The following PARD3B variants were observed in gnomAD, a reference collection of about 807,000 sequenced individuals.
PARD3B encodes the protein partitioning defective 3 homolog B.
A neutral mutation model predicts 130.2 loss-of-function variants in PARD3B; 103 were observed. The observed-to-expected ratio is 0.79, with a 90% confidence interval of 0.67 to 0.93. The LOEUF (loss-of-function observed/expected upper bound fraction) is 0.93, where lower values mean the gene tolerates loss of function less well. Ranked by LOEUF, PARD3B falls within the 40% of genes least tolerant of loss-of-function variation. The pLI is 0.00. For synonymous variants in PARD3B, 583 were observed against 553.2 expected (o/e 1.05, Z -0.76); for missense variants, 1,609 against 1,499.2 (o/e 1.07, Z -1.21).
rs2035920622 is a variant in PARD3B, at chr2:205,183,661, TG to T, written c.1925-2099del. Among the ~76,000 whole-genome samples, 1 of 151,864 alleles carries T rather than the reference TG, an allele frequency of 6.6e-6. No individual in the cohort carries two copies. Among genetic ancestry groups the T allele is most frequent in the African/African-American group, 2.4e-5 (1 of 41,332 alleles). On this transcript the variant is annotated intron_variant, in intron 13 of 22. Transcript: ENST00000406610. The surrounding 1 kb of genome is among the most constrained non-coding windows in gnomAD (Gnocchi z 5.2). ...ACTACCTCCACATCAGTCTAGTGCC[TG>T]GGGCAGAGCTTGGAGCAAGTCCTTG...
At chr2:205,271,162 A>G (rs1260581537) in intron 16 of PARD3B, among the ~76,000 whole-genome samples, 2 of 152,116 alleles carry the variant, frequency 1.3e-5, no homozygotes, top group African/African-American at 4.8e-5. Context: ...TATATCCAAA[A>G]ACAAGCAGAG....
chr2:205,550,955 G>GTGTGTATATATATATATATATATATATA lies in PARD3B; in HGVS notation c.3181-2368_3181-2367insGTGTATATATATATATATATATATATAT, dbSNP rs796567936. 7.4e-5 allele frequency among the ~76,000 whole-genome samples: 7 copies of GTGTGTATATATATATATATATATATATA among 94,452 alleles called. No individual in the cohort carries two copies. Among genetic ancestry groups the GTGTGTATATATATATATATATATATATA allele is most frequent in the African/African-American group, 1.9e-4 (5 of 26,402 alleles). 62.0% of individuals were successfully genotyped at this position (94,452 alleles called of 152,430 possible). ...TGTGTGTGTGTGTATATATATATGT[G>GTGTGTATATATATATATATATATATATA]TATATATATATATATATATATACAC... is the stretch of plus-strand genomic sequence containing the variant. On this transcript the variant is annotated intron_variant, in intron 21 of 22. Transcript: ENST00000406610. This position sits in a 1 kb window ranked among gnomAD's most constrained non-coding sequence, Gnocchi z 4.5.
At chr2:204,741,502 A>T (rs1024647352) in intron 2 of PARD3B, among the ~76,000 whole-genome samples, 1 of 152,118 alleles carries the variant, frequency 6.6e-6, no homozygotes, top group African/African-American at 2.4e-5. Flanking sequence ...CTTAGTTCAT[A>T]ATTCAGTATT....
At chr2:204,872,673 T>C (rs1051992977) in intron 2 of PARD3B, among the ~76,000 whole-genome samples, 3 of 152,204 alleles carry the variant, frequency 2.0e-5, no homozygotes, top group African/African-American at 7.2e-5. Flanking sequence ...TAATAAATTC[T>C]TCTGTGTGTT....
At chr2:205,236,384 A>G (rs1353587894) in intron 15 of PARD3B, among the ~76,000 whole-genome samples, 1 of 148,676 alleles carries the variant, frequency 6.7e-6, no homozygotes, top group Non-Finnish European at 1.5e-5. Flanking sequence ...CAAGGACATT[A>G]GAAAAAAAAA....
intron 1 of PARD3B, among the ~76,000 whole-genome samples, chr2:204,602,498 A>T (rs1263738330): frequency 6.6e-6 from 1 of 152,068 alleles, no homozygotes; most frequent in Non-Finnish European, 1.5e-5. Context: ...AAATGTTATT[A>T]TTTCTACACA....
intron 14 of PARD3B, among the ~76,000 whole-genome samples, chr2:205,188,480 C>T (rs975550267): frequency 3.3e-5 from 5 of 152,068 alleles, no homozygotes; most frequent in African/African-American, 4.8e-5. Context: ...TGGCAGAAGC[C>T]GCCATAGACA....
In PARD3B at chr2:205,011,246, G is replaced by C. The variant is rs1430651340; in HGVS notation, c.395-36335G>C. Among the ~76,000 whole-genome samples the C allele has an allele frequency of 1.3e-5, 2 of 152,188 alleles. No homozygotes were observed. Among genetic ancestry groups the C allele is most frequent in the African/African-American group, 4.8e-5 (2 of 41,452 alleles). On this transcript the variant is annotated intron_variant, in intron 3 of 22. Transcript: ENST00000406610. This position sits in a 1 kb window ranked among gnomAD's most constrained non-coding sequence, Gnocchi z 4.1. The stretch of plus-strand genomic sequence containing the variant: ...GATTACTGTCAGGAATGCAGGCATG[G>C]CTTAGCTTGGTGATTCTGGCTCGGG...
At chr2:205,506,744 C>G (rs1974688) in intron 21 of PARD3B, among the ~76,000 whole-genome samples, 143,255 of 152,290 alleles carry the variant, frequency 0.94, 67,994 homozygotes, top group East Asian at 1. Flanking sequence ...TTCCTTGTCT[C>G]CTCCTTAAAA....
chr2:205,269,812 G>T lies in PARD3B; in HGVS notation c.2185+23990G>T, dbSNP rs2040649770. Reference sequence around the variant, plus strand: ...GCAGCTATGTGCTTCTCTCCTACTGGCATGTATCATAGACTCAGTATTTTC... The same window carrying T: ...GCAGCTATGTGCTTCTCTCCTACTGTCATGTATCATAGACTCAGTATTTTC... On this transcript the variant is annotated intron_variant, in intron 16 of 22. Coordinates refer to ENST00000406610, the MANE Select transcript of PARD3B (RefSeq NM_001302769.2). The surrounding 1 kb of genome is among the most constrained non-coding windows in gnomAD (Gnocchi z 4.7). Among the ~76,000 whole-genome samples, 1 of 152,096 alleles carries T rather than the reference G, an allele frequency of 6.6e-6. No individual in the cohort carries two copies. The highest frequency in any genetic ancestry group is 2.4e-5 in the African/African-American group (1 of 41,418).
chr2:204,665,737 C>T (rs559720773), intron 1 of PARD3B, among the ~76,000 whole-genome samples: 1 of 152,242 alleles, frequency 6.6e-6, no homozygotes, highest in African/African-American at 2.4e-5. Context: ...TAAGTATTCT[C>T]ACAAGAAAGC....
chr2:204,728,338 A>G (rs1430523813), intron 2 of PARD3B, among the ~76,000 whole-genome samples: 1 of 152,158 alleles, frequency 6.6e-6, no homozygotes, highest in Non-Finnish European at 1.5e-5. Flanking sequence ...AGAAGATCTT[A>G]AGGAAGACAA....
At chr2:204,810,889 G>A (rs2042938771) in intron 2 of PARD3B, among the ~76,000 whole-genome samples, 1 of 152,022 alleles carries the variant, frequency 6.6e-6, no homozygotes, top group African/African-American at 2.4e-5. Flanking sequence ...AATGGTACCA[G>A]CTCTTTGTCC....
At chr2:205,582,966 G>A (rs2054047852) in intron 22 of PARD3B, among the ~76,000 whole-genome samples, 1 of 152,166 alleles carries the variant, frequency 6.6e-6, no homozygotes, top group Non-Finnish European at 1.5e-5. Flanking sequence ...AGCAGGGAAT[G>A]GGTGCTTATG....
intron 2 of PARD3B, among the ~76,000 whole-genome samples, chr2:204,961,486 T>A (rs958756347): frequency 3.3e-5 from 5 of 152,272 alleles, no homozygotes; most frequent in Admixed American, 2.6e-4. Flanking sequence ...CTTTGAAAGG[T>A]CACTTTTTCC....
At chr2:204,597,392 T>G (rs990704480) in intron 1 of PARD3B, among the ~76,000 whole-genome samples, 1 of 152,186 alleles carries the variant, frequency 6.6e-6, no homozygotes, top group Non-Finnish European at 1.5e-5. Flanking sequence ...AGAGTGCCCC[T>G]GAAAATGCTT....
At chr2:205,177,042 G>A (rs531552542) in intron 13 of PARD3B, among the ~76,000 whole-genome samples, 14 of 152,102 alleles carry the variant, frequency 9.2e-5, no homozygotes, top group Admixed American at 6.5e-5. Flanking sequence ...AAACCATCTC[G>A]TGATGGTTGG....
At chr2:205,489,603 G>T (rs569656007) in intron 20 of PARD3B, among the ~76,000 whole-genome samples, 12 of 136,714 alleles carry the variant, frequency 8.8e-5, no homozygotes, top group African/African-American at 3.4e-4. Context: ...TGTGTTGGAA[G>T]AACTGTATTA....
intron 15 of PARD3B, among the ~76,000 whole-genome samples, chr2:205,232,482 A>G (rs2038890489): frequency 6.6e-6 from 1 of 152,286 alleles, no homozygotes; most frequent in East Asian, 1.9e-4. Context: ...ACAGGAATAT[A>G]TATGACACAA....
Sources: allele counts gnomAD v4.1 joint callset (sites outside exome capture counted in the v4.1 genomes callset), GRCh38; gene constraint gnomAD v4.1.1; non-coding constraint Gnocchi (gnomAD v3.1); transcripts MANE v1.5; gene names NCBI Gene and HGNC (gene_info 2026-07-23, HGNC 2026-07-21).